Variants in DPP6 observed in about 807,000 individuals in gnomAD.
DPP6 encodes the protein dipeptidyl peptidase like 6.
In DPP6, 69 loss-of-function variants were observed where a neutral mutation model predicts 122.6. That is an observed-to-expected ratio of 0.56 (90% CI 0.46 to 0.69). The LOEUF (loss-of-function observed/expected upper bound fraction) is 0.69, where lower values mean the gene tolerates loss of function less well. DPP6 is among the 30% of genes least tolerant of loss of function. DPP6 has a pLI of 0.00. For missense variants in DPP6, 928 were observed against 1,116.9 expected, an observed-to-expected ratio of 0.83 and a Z score of 2.41; for synonymous variants, 418 against 433.1, an observed-to-expected ratio of 0.97 and a Z score of 0.43.
At chr7:153,804,432 T>C in the DPP6 span, among the ~76,000 whole-genome samples, 1 of 152,168 alleles carries the variant, frequency 6.6e-6, no homozygotes, top group East Asian at 1.9e-4. Context: ...ATTTTCTATA[T>C]TTTAATATCT....
chr7:153,951,781 A>G (rs755105391), intron 1 of DPP6, among the ~76,000 whole-genome samples: 1 of 152,116 alleles, frequency 6.6e-6, no homozygotes, highest in Non-Finnish European at 1.5e-5. Context: ...AGTGGCTTAC[A>G]CCTCTAATCC....
At chr7:154,683,107 A>G (rs1307300395) in intron 7 of DPP6, among the ~76,000 whole-genome samples, 1 of 152,132 alleles carries the variant, frequency 6.6e-6, no homozygotes, top group African/African-American at 2.4e-5. Flanking sequence ...ATTTATCTGA[A>G]TGGTTTTAGT....
chr7:153,960,069 A>G (rs1004532878), intron 1 of DPP6, among the ~76,000 whole-genome samples: 11 of 152,126 alleles, frequency 7.2e-5, no homozygotes, highest in Admixed American at 3.3e-4. Flanking sequence ...TTGGAGCCAA[A>G]TCAAGCAAAT....
intron 1 of DPP6, among the ~76,000 whole-genome samples, chr7:153,908,657 A>G (rs1799948542): frequency 6.6e-6 from 1 of 152,214 alleles, no homozygotes; most frequent in African/African-American, 2.4e-5. Context: ...CAAGGATTTC[A>G]TTATACGATT....
intron 8 of DPP6, among the ~76,000 whole-genome samples, chr7:154,747,861 C>T (rs1329027021): frequency 6.6e-6 from 1 of 152,096 alleles, no homozygotes. Flanking sequence ...AAGTGCGTCA[C>T]AAATGATAGG....
the DPP6 span, among the ~76,000 whole-genome samples, chr7:153,810,728 A>G: frequency 2.8e-5 from 4 of 144,672 alleles, no homozygotes; most frequent in Admixed American, 2.8e-4. Flanking sequence ...AAGCACCAGG[A>G]TACCTATTCT....
intron 1 of DPP6, among the ~76,000 whole-genome samples, chr7:153,940,977 C>T (rs376230513): frequency 4.6e-5 from 7 of 152,286 alleles, no homozygotes; most frequent in African/African-American, 1.7e-4. Context: ...GGAGAGGGCA[C>T]AGTCTGTTTT....
At chr7:154,115,109 A>G (rs1191682627) in intron 1 of DPP6, among the ~76,000 whole-genome samples, 5 of 152,186 alleles carry the variant, frequency 3.3e-5, no homozygotes, top group African/African-American at 9.7e-5. Flanking sequence ...CCCCTGTAAT[A>G]TGGCCCACTG....
intron 2 of DPP6, among the ~76,000 whole-genome samples, chr7:154,455,818 T>C (rs565700174): frequency 1.6e-4 from 25 of 152,334 alleles, no homozygotes; most frequent in Middle Eastern, 3.4e-3. Context: ...ACTTTTCAAG[T>C]GTTGCTGCAT....
chr7:154,530,615 A>G (rs929281056), intron 3 of DPP6, among the ~76,000 whole-genome samples: 1 of 152,192 alleles, frequency 6.6e-6, no homozygotes, highest in South Asian at 2.1e-4. Flanking sequence ...CAGAAATACC[A>G]TTTAACCTTG....
intron 7 of DPP6, among the ~76,000 whole-genome samples, chr7:154,702,603 A>G (rs1840587744): frequency 6.6e-6 from 1 of 152,248 alleles, no homozygotes; most frequent in African/African-American, 2.4e-5. Context: ...AATCCAGAAC[A>G]AGATCCTAAC....
intron 6 of DPP6, among the ~76,000 whole-genome samples, chr7:154,645,885 A>G (rs75597620): frequency 0.14 from 21,757 of 151,754 alleles, 1,790 homozygotes; most frequent in African/African-American, 0.23. Context: ...AAAATTAGCC[A>G]GGCATGGTGG....
chr7:154,407,403 A>G (rs969266220), intron 1 of DPP6, among the ~76,000 whole-genome samples: 4 of 152,208 alleles, frequency 2.6e-5, no homozygotes, highest in Non-Finnish European at 5.9e-5. Flanking sequence ...TACATCTCAC[A>G]TGCCTTTGTA....
intron 1 of DPP6, among the ~76,000 whole-genome samples, chr7:154,370,763 T>C (rs1812585090): frequency 6.6e-6 from 1 of 152,216 alleles, no homozygotes; most frequent in Admixed American, 6.5e-5. Context: ...CCTCAGAACC[T>C]GATAGAATAC....
chr7:154,129,434 T>G (rs971448532), intron 1 of DPP6, among the ~76,000 whole-genome samples: 10 of 152,188 alleles, frequency 6.6e-5, no homozygotes, highest in Non-Finnish European at 1.0e-4. Context: ...AACCTCACCC[T>G]CCTAGCTCCT....
intron 5 of DPP6, among the ~76,000 whole-genome samples, chr7:154,619,560 G>A (rs1048636127): frequency 2.6e-5 from 4 of 152,178 alleles, no homozygotes; most frequent in African/African-American, 9.7e-5. Flanking sequence ...ATTTGTGGCT[G>A]ATGAGGGATC....
rs952614970 is a variant in DPP6, at chr7:154,601,789, G to T, written c.627+34873G>T. ...AAGATTTATTGGAAAACATCCATGA[G>T]CATTTGTTAGGTATTGTCCAAGGCT... On this transcript the variant is annotated intron_variant, in intron 5 of 25. Coordinates refer to ENST00000377770, the MANE Select transcript of DPP6 (RefSeq NM_130797.4). 1.7e-5 allele frequency among the ~76,000 whole-genome samples: 2 copies of T among 120,246 alleles called. 1 individual carries two copies. The highest frequency in any genetic ancestry group is 3.7e-5 in the Non-Finnish European group (2 of 53,506). The allele number at this position is 120,246 out of a possible 152,430, so 78.9% of individuals were successfully genotyped here.
intron 8 of DPP6, among the ~76,000 whole-genome samples, chr7:154,735,935 C>A (rs1842550646): frequency 6.6e-6 from 1 of 152,242 alleles, no homozygotes; most frequent in African/African-American, 2.4e-5. Flanking sequence ...CCTCACTTGA[C>A]CCTGAGTCCC....
chr7:153,933,835 T>C (rs554689269), intron 1 of DPP6, among the ~76,000 whole-genome samples: 1 of 152,232 alleles, frequency 6.6e-6, no homozygotes, highest in African/African-American at 2.4e-5. Flanking sequence ...CATCCTGGGT[T>C]GTTTAGAGTC....
Sources: allele counts gnomAD v4.1 joint callset (sites outside exome capture counted in the v4.1 genomes callset), GRCh38; gene constraint gnomAD v4.1.1; transcripts MANE v1.5; gene names NCBI Gene and HGNC (gene_info 2026-07-23, HGNC 2026-07-21).